ADARB2: variants seen among roughly 807,000 people sequenced by gnomAD.
The protein encoded by ADARB2 is adenosine deaminase RNA specific B2 (inactive), also known as inactive double-stranded RNA-specific editase B2.
A neutral mutation model predicts 62.2 loss-of-function variants in ADARB2; 25 were observed. The observed-to-expected ratio is 0.40, with a 90% CI of 0.29 to 0.56. ADARB2 has a LOEUF of 0.56. Among genes scored for constraint, ADARB2 ranks in the 20% least tolerant of loss-of-function variants. ADARB2 has a pLI of 0.43. For missense variants in ADARB2, 1,071 were observed against 1,077.4 expected, an observed-to-expected ratio of 0.99 and a Z score of 0.08; for synonymous variants, 572 against 500.8, an observed-to-expected ratio of 1.14 and a Z score of -1.90.
intron 1 of ADARB2, among the ~76,000 whole-genome samples, chr10:1,522,661 A>G (rs1275940917): frequency 6.6e-6 from 1 of 152,126 alleles, no homozygotes; most frequent in Non-Finnish European, 1.5e-5. Flanking sequence ...AACCCTACAC[A>G]TGTCCCTCTT....
chr10:1,260,382 T>C (rs941620046), intron 4 of ADARB2, among the ~76,000 whole-genome samples: 2 of 152,054 alleles, frequency 1.3e-5, no homozygotes, highest in African/African-American at 4.8e-5. Flanking sequence ...GCAGACGACA[T>C]GATTGTATAT....
intron 4 of ADARB2, among the ~76,000 whole-genome samples, chr10:1,269,510 A>C (rs763694431): frequency 6.6e-6 from 1 of 152,222 alleles, no homozygotes; most frequent in Admixed American, 6.5e-5. Flanking sequence ...ACATGAACAC[A>C]TTTAGCCTTC....
At chr10:1,466,009 A>G (rs1204118817) in intron 1 of ADARB2, among the ~76,000 whole-genome samples, 1 of 152,200 alleles carries the variant, frequency 6.6e-6, no homozygotes, top group Non-Finnish European at 1.5e-5. Context: ...GTCTCTTTAA[A>G]TTCTTTTAAA....
At chr10:1,666,696 G>A (rs187558987) in intron 1 of ADARB2, among the ~76,000 whole-genome samples, 23 of 152,158 alleles carry the variant, frequency 1.5e-4, no homozygotes, top group Admixed American at 7.8e-4. Flanking sequence ...TTTGAGGGGC[G>A]AGGGCATCTG....
At chr10:1,604,750 G>C (rs1210487477) in intron 1 of ADARB2, among the ~76,000 whole-genome samples, 1 of 152,130 alleles carries the variant, frequency 6.6e-6, no homozygotes, top group African/African-American at 2.4e-5. Flanking sequence ...GCATGAGAAC[G>C]TTACAATGAG....
intron 3 of ADARB2, among the ~76,000 whole-genome samples, chr10:1,276,910 C>T (rs1429975028): frequency 6.6e-6 from 1 of 152,238 alleles, no homozygotes; most frequent in Non-Finnish European, 1.5e-5. Context: ...AACTGTCTTT[C>T]AGACCACAGT....
chr10:1,693,524 A>G (rs746993759), intron 1 of ADARB2, among the ~76,000 whole-genome samples: 1 of 152,250 alleles, frequency 6.6e-6, no homozygotes, highest in Non-Finnish European at 1.5e-5. Context: ...CCTATTGGAT[A>G]TAATTTAGAA....
chr10:1,353,414 C>T (rs370251384), intron 3 of ADARB2, among the ~76,000 whole-genome samples: 3 of 152,002 alleles, frequency 2.0e-5, no homozygotes, highest in Admixed American at 1.3e-4. Context: ...ACATGCAGAC[C>T]GGGCAACATC....
intron 1 of ADARB2, among the ~76,000 whole-genome samples, chr10:1,487,349 C>CCA (rs138840057): frequency 0.011 from 1,741 of 152,338 alleles, 32 homozygotes; most frequent in African/African-American, 0.039. Context: ...TAAACATTCT[C>CCA]CACACACACA....
chr10:1,507,069 C>T (rs1029284437), intron 1 of ADARB2, among the ~76,000 whole-genome samples: 1 of 152,204 alleles, frequency 6.6e-6, no homozygotes, highest in African/African-American at 2.4e-5. Context: ...GTCTGTGCCC[C>T]GCTGCTATGG....
intron 3 of ADARB2, chr10:1,361,468 T>A (rs374358176): frequency 2.2e-4 from 33 of 152,286 alleles, no homozygotes; most frequent in African/African-American, 7.9e-4. Context: ...CTGATGGAGA[T>A]TGTGGTCTAA....
chr10:1,414,107 C>T lies in ADARB2; in HGVS notation c.101-34947G>A, dbSNP rs112795460. Reference sequence around the variant, plus strand: ...GCTCGGCTCAGGGGGCTGCCCTGCACAGCCATGGCCTCCAGCCAGTTATCC... The same window carrying T: ...GCTCGGCTCAGGGGGCTGCCCTGCATAGCCATGGCCTCCAGCCAGTTATCC... On this transcript the variant is annotated intron_variant, in intron 1 of 9. Coordinates refer to ENST00000381312, the MANE Select transcript of ADARB2 (RefSeq NM_018702.4). Among the ~76,000 whole-genome samples, 516 of 152,334 alleles carry T rather than the reference C, an allele frequency of 3.4e-3. 3 individuals are homozygous for T. The highest frequency in any genetic ancestry group is 0.011 in the African/African-American group (456 of 41,570).
chr10:1,353,061 CA>C (rs1241060555), intron 3 of ADARB2, among the ~76,000 whole-genome samples: 1 of 152,186 alleles, frequency 6.6e-6, no homozygotes, highest in Non-Finnish European at 1.5e-5. Context: ...AATCACCTCT[CA>C]GTGTTCCATC....
At chr10:1,634,860 T>C (rs903934984) in intron 1 of ADARB2, among the ~76,000 whole-genome samples, 13 of 152,244 alleles carry the variant, frequency 8.5e-5, no homozygotes, top group Non-Finnish European at 1.5e-4. Flanking sequence ...AAGCTTTTCA[T>C]AAAACCAGTA....
chr10:1,649,466 G>A (rs1285178596), intron 1 of ADARB2, among the ~76,000 whole-genome samples: 3 of 152,128 alleles, frequency 2.0e-5, no homozygotes, highest in Admixed American at 6.5e-5. Flanking sequence ...CTATGATAAC[G>A]TCTCCCTTTA....
chr10:1,344,669 G>T (rs975247954), intron 3 of ADARB2, among the ~76,000 whole-genome samples: 1 of 152,210 alleles, frequency 6.6e-6, no homozygotes, highest in African/African-American at 2.4e-5. Flanking sequence ...CAAAATGTCA[G>T]CAACTGGTGC....
intron 1 of ADARB2, among the ~76,000 whole-genome samples, chr10:1,629,562 C>T (rs892043493): frequency 6.2e-5 from 8 of 129,778 alleles, no homozygotes; most frequent in African/African-American, 1.1e-4. Context: ...CAGCACCCAA[C>T]CCCCCCAGCA....
chr10:1,645,447 G>A (rs1834027862), intron 1 of ADARB2, among the ~76,000 whole-genome samples: 1 of 152,158 alleles, frequency 6.6e-6, no homozygotes, highest in Non-Finnish European at 1.5e-5. Flanking sequence ...CAGAAGTAAG[G>A]GGGATGCAAC....
intron 1 of ADARB2, among the ~76,000 whole-genome samples, chr10:1,462,392 A>T (rs749852882): frequency 1.3e-5 from 2 of 152,270 alleles, no homozygotes; most frequent in Non-Finnish European, 2.9e-5. Flanking sequence ...ACTCCACACA[A>T]GCCTCTACCT....
Sources: allele counts gnomAD v4.1 joint callset (sites outside exome capture counted in the v4.1 genomes callset), GRCh38; gene constraint gnomAD v4.1.1; transcripts MANE v1.5; gene names NCBI Gene and HGNC (gene_info 2026-07-23, HGNC 2026-07-21).